Variants in TAFA1 observed in about 807,000 individuals in gnomAD.
TAFA1 encodes chemokine-like protein TAFA-1.
TAFA1 carries 4 observed loss-of-function variants against 18.5 expected under a neutral mutation model. The ratio of observed to expected loss-of-function variants is 0.22; its 90% CI spans 0.11 to 0.49. TAFA1 has a LOEUF of 0.49. Among genes scored for constraint, TAFA1 ranks in the 20% least tolerant of loss-of-function variants. The pLI, the probability that TAFA1 is intolerant of heterozygous loss-of-function variation, is 0.98. For missense variants in TAFA1, 147 were observed against 169.0 expected, an observed-to-expected ratio of 0.87 and a Z score of 0.72; for synonymous variants, 56 against 55.2, an observed-to-expected ratio of 1.01 and a Z score of -0.06.
intron 2 of TAFA1, among the ~76,000 whole-genome samples, chr3:68,087,522 T>C (rs1276428600): frequency 7.0e-6 from 1 of 142,368 alleles, no homozygotes. Flanking sequence ...CTCCCTTCCT[T>C]CCTCCCTCCC....
At chr3:68,128,456 A>G (rs1045335981) in intron 2 of TAFA1, among the ~76,000 whole-genome samples, 5 of 152,258 alleles carry the variant, frequency 3.3e-5, no homozygotes, top group South Asian at 4.1e-4. Context: ...CAAGGGGACT[A>G]TGAACAAGCT....
intron 3 of TAFA1, among the ~76,000 whole-genome samples, chr3:68,520,425 G>A (rs1430729045): frequency 2.6e-5 from 4 of 151,906 alleles, no homozygotes; most frequent in East Asian, 3.8e-4. Context: ...TTTCTTTCTT[G>A]TGCTACAGCA....
At chr3:68,243,558 C>T (rs777309090) in intron 2 of TAFA1, among the ~76,000 whole-genome samples, 3 of 152,022 alleles carry the variant, frequency 2.0e-5, no homozygotes, top group Non-Finnish European at 4.4e-5. Flanking sequence ...TCGTATATAC[C>T]CTTTTGAGAT....
chr3:68,313,354 G>A (rs72626960), intron 2 of TAFA1, among the ~76,000 whole-genome samples: 22,604 of 151,786 alleles, frequency 0.15, 1,932 homozygotes, highest in East Asian at 0.41. Flanking sequence ...ATTTTTTGTC[G>A]TCCTAGATGC....
At chr3:68,345,371 G>A (rs375039793) in intron 2 of TAFA1, among the ~76,000 whole-genome samples, 4 of 152,278 alleles carry the variant, frequency 2.6e-5, no homozygotes, top group African/African-American at 9.6e-5. Context: ...TCATCTGTCT[G>A]TAGCTATCAT....
At position 68,259,865 on chromosome 3, in the gene TAFA1, C is replaced by T. The variant is rs1278986632; in HGVS notation, c.119-157415C>T. ...GAGACAATGGGTTTTTCTAGATATA[C>T]AATCATGTCATCTGCAAACAGGGAC... is the stretch of plus-strand genomic sequence containing the variant. On this transcript the variant is annotated intron_variant, in intron 2 of 4. Transcript: ENST00000478136. Among the ~76,000 whole-genome samples, 4 of 152,214 alleles carry T rather than the reference C, an allele frequency of 2.6e-5. No individual in the cohort carries two copies. In the East Asian group the frequency reaches 7.7e-4, roughly 29 times the overall value.
At chr3:68,308,027 A>T (rs1575765005) in intron 2 of TAFA1, among the ~76,000 whole-genome samples, 7 of 152,262 alleles carry the variant, frequency 4.6e-5, no homozygotes, top group Admixed American at 4.6e-4. Context: ...ATGTGTAATC[A>T]CTCCCCAAAA....
chr3:68,343,786 C>T (rs1005825526), intron 2 of TAFA1, among the ~76,000 whole-genome samples: 5 of 152,158 alleles, frequency 3.3e-5, no homozygotes, highest in East Asian at 3.9e-4. Flanking sequence ...CAATATAGAA[C>T]AAGAAAAAAG....
chr3:68,301,719 A>G (rs907740879), intron 2 of TAFA1, among the ~76,000 whole-genome samples: 2 of 152,198 alleles, frequency 1.3e-5, no homozygotes, highest in African/African-American at 4.8e-5. Flanking sequence ...AAAAACTAGC[A>G]TTGGAGACTC....
chr3:68,401,419 C>G (rs745623938), intron 2 of TAFA1, among the ~76,000 whole-genome samples: 45 of 152,274 alleles, frequency 3.0e-4, no homozygotes, highest in Non-Finnish European at 4.7e-4. Context: ...CAAACTCAAT[C>G]AAGAGAAAAA....
intron 2 of TAFA1, among the ~76,000 whole-genome samples, chr3:68,358,611 C>T (rs2069410155): frequency 6.6e-6 from 1 of 151,946 alleles, no homozygotes; most frequent in African/African-American, 2.4e-5. Context: ...GACTGATTGT[C>T]TTTCCCCCAT....
At chr3:68,397,108 G>C (rs2070395558) in intron 2 of TAFA1, among the ~76,000 whole-genome samples, 1 of 152,088 alleles carries the variant, frequency 6.6e-6, no homozygotes, top group Non-Finnish European at 1.5e-5. Flanking sequence ...GTTTCTCTAA[G>C]ACTGTTCTCG....
chr3:68,430,163 G>A (rs2071141404), intron 3 of TAFA1, among the ~76,000 whole-genome samples: 1 of 151,890 alleles, frequency 6.6e-6, no homozygotes, highest in Non-Finnish European at 1.5e-5. Flanking sequence ...TCCTTGGAGA[G>A]GATTCAATAA....
chr3:68,533,107 G>C (rs1162556180), intron 3 of TAFA1, among the ~76,000 whole-genome samples: 1 of 151,238 alleles, frequency 6.6e-6, no homozygotes, highest in Non-Finnish European at 1.5e-5. Context: ...AAGAAGGAAG[G>C]TATGTAGTAA....
chr3:68,532,721 C>A (rs796951672), intron 3 of TAFA1, among the ~76,000 whole-genome samples: 7 of 152,046 alleles, frequency 4.6e-5, no homozygotes, highest in African/African-American at 1.4e-4. Flanking sequence ...TCTAGTGGAT[C>A]AATTCTCTTT....
chr3:68,496,153 A>G (rs2072545645), intron 3 of TAFA1, among the ~76,000 whole-genome samples: 1 of 152,170 alleles, frequency 6.6e-6, no homozygotes. Context: ...ACGCAGAAAG[A>G]TCAGCGTTAA....
chr3:68,426,412 G>T lies in TAFA1; in HGVS notation c.259+8992G>T, dbSNP rs905068741. Among the ~76,000 whole-genome samples, 3 of 151,746 alleles carry T rather than the reference G, an allele frequency of 2.0e-5. No homozygotes were observed. In the East Asian group the frequency reaches 5.8e-4, roughly 29 times the overall value. On this transcript the variant is annotated intron_variant, in intron 3 of 4. Coordinates refer to ENST00000478136, the MANE Select transcript of TAFA1 (RefSeq NM_213609.4). The stretch of plus-strand genomic sequence containing the variant: ...CATATAAAACTTTATAAATAAAAAT[G>T]ATATTATATTGTACAGACTGCTCTG...
chr3:68,329,161 G>T (rs190627797), intron 2 of TAFA1, among the ~76,000 whole-genome samples: 4 of 142,102 alleles, frequency 2.8e-5, no homozygotes, highest in Admixed American at 2.1e-4. Context: ...CAATTCTTTT[G>T]CCTCAGCCTC....
chr3:68,412,956 A>G (rs374642435), intron 2 of TAFA1, among the ~76,000 whole-genome samples: 5 of 151,574 alleles, frequency 3.3e-5, no homozygotes, highest in African/African-American at 9.7e-5. Flanking sequence ...TGCCACACTG[A>G]CTTCCACAAT....
Sources: allele counts gnomAD v4.1 joint callset (sites outside exome capture counted in the v4.1 genomes callset), GRCh38; gene constraint gnomAD v4.1.1; transcripts MANE v1.5; gene names NCBI Gene and HGNC (gene_info 2026-07-23, HGNC 2026-07-21).